SIAE: variants seen among roughly 807,000 people sequenced by gnomAD.
The protein encoded by SIAE is sialic acid acetylesterase, also known as sialate O-acetylesterase.
A neutral mutation model predicts 52.6 loss-of-function variants in SIAE; 39 were observed. The ratio of observed to expected loss-of-function variants is 0.74; its 90% CI spans 0.57 to 0.97. The LOEUF is 0.97. SIAE is among the 50% of genes least tolerant of loss of function. The probability of loss-of-function intolerance (pLI) is 0.00; values close to 1 mark genes in which losing one functional copy is unlikely to be tolerated. For synonymous variants in SIAE, 233 were observed against 241.4 expected (o/e 0.97, Z 0.32); for missense variants, 592 against 662.1 (o/e 0.89, Z 1.16).
intron 4 of SIAE, among the ~76,000 whole-genome samples, chr11:124,651,178 G>T (rs978539457): frequency 6.6e-6 from 1 of 152,158 alleles, no homozygotes; most frequent in African/African-American, 2.4e-5. Flanking sequence ...GGAACTACTA[G>T]ATGGATGGGA....
intron 7 of SIAE, among the ~76,000 whole-genome samples, chr11:124,641,610 A>G (rs927641219): frequency 3.9e-5 from 6 of 152,204 alleles, no homozygotes; most frequent in Non-Finnish European, 7.3e-5. Context: ...TACTGACATG[A>G]TCAAAGGACC....
rs73031439 is a variant in SIAE, at chr11:124,647,912, G to A, written c.832+154C>T. On this transcript the variant is annotated intron_variant, in intron 6 of 9. Transcript: ENST00000263593. Reference sequence around the variant, plus strand: ...GTCCCAGCAGGAATTAGCTGAAGCAGCCCAGACATAAAAACTACCCTGCTC... The same window carrying A: ...GTCCCAGCAGGAATTAGCTGAAGCAACCCAGACATAAAAACTACCCTGCTC... Among the ~76,000 whole-genome samples, 756 of 152,276 alleles carry A rather than the reference G, an allele frequency of 5.0e-3. 5 individuals are homozygous for A. The highest frequency in any genetic ancestry group is 6.5e-3 in the Non-Finnish European group (445 of 68,026).
At chr11:124,644,553 T>C (rs1467540676) in intron 7 of SIAE, among the ~76,000 whole-genome samples, 2 of 152,164 alleles carry the variant, frequency 1.3e-5, no homozygotes, top group Admixed American at 6.5e-5. Context: ...AATTCCTGTT[T>C]TCCTAATCTG....
Position 124,635,834 on chromosome 11 carries a change from G to A in SIAE, c.*1117C>T, listed in dbSNP as rs1224417001. The A allele has an allele frequency of 6.6e-6, 1 of 152,066 alleles. No homozygotes were observed. The highest frequency in any genetic ancestry group is 1.9e-4 in the East Asian group (1 of 5,196). The allele number at this position is 152,066 out of a possible 1,614,324, so 9.4% of individuals were successfully genotyped here. A position where few individuals can be genotyped will look rare whatever the true frequency, so the allele number is the denominator to read the frequency against. On this transcript the variant is annotated 3_prime_UTR_variant, in exon 10 of 10. Coordinates refer to ENST00000263593, the MANE Select transcript of SIAE (RefSeq NM_170601.5). ...TTTTATTTATTTCCAACTTCTTATA[G>A]GTAACATAATTTTCAGACAATGTTA...
rs1170371521 is a variant in SIAE, at chr11:124,636,996, G to A, written c.1527C>T (p.Phe509=). ...SALPAPPFIA[F]ITDQGPGHQS... ...GATGTCCAGGACCCTGGTCTGTAAT[G>A]AAAGCAATGAAGGGAGGGGCTGGCA... The change falls in exon 10 of 10, where the codon TTC becomes TTT. Residue 509 remains phenylalanine (F), a synonymous_variant. Transcript: ENST00000263593. 1.9e-6 allele frequency: 3 copies of A among 1,614,184 alleles called. No individual in the cohort carries two copies. The South Asian group carries it at 3.3e-5, about 18-fold the overall frequency.
chr11:124,675,116 G>A, upstream of SIAE: 1 of 982,076 alleles, frequency 1.0e-6, no homozygotes. Flanking sequence ...CTTGGGTTGT[G>A]TTAGGGAAAA....
chr11:124,663,235 C>A (rs1225104294), intron 2 of SIAE, among the ~76,000 whole-genome samples: 2 of 152,072 alleles, frequency 1.3e-5, no homozygotes, highest in Non-Finnish European at 2.9e-5. Flanking sequence ...TGATACACTC[C>A]AGAGAGGTTA....
upstream of SIAE, chr11:124,674,904 A>G (rs979796336): frequency 1.9e-5 from 3 of 159,546 alleles, no homozygotes; most frequent in South Asian, 2.0e-4. Flanking sequence ...CTTTTTAGCA[A>G]TCATTCTCTC....
rs1256806780 is a variant in SIAE, at chr11:124,636,961, A to G, written c.1562T>C (p.Val521Ala). Residue 521 changes from valine (V) to alanine (A), a missense_variant, in exon 10 of 10, where the codon GTT (valine) becomes GCT (alanine). Transcript: ENST00000263593. ...TDQGPGHQSNVAK is the reference protein window; with the variant it reads ...TDQGPGHQSNAAK ...ATCATACTGAAACAGTCATTTAGCA[A>G]CATTGCTCTGATGTCCAGGACCCTG... is the stretch of plus-strand genomic sequence containing the variant. 5.6e-6 allele frequency: 9 copies of G among 1,614,172 alleles called. No individual in the cohort carries two copies. Among genetic ancestry groups the G allele is most frequent in the Non-Finnish European group, 7.6e-6 (9 of 1,180,030 alleles).
Position 124,637,043 on chromosome 11 carries a change from G to C in SIAE, c.1480C>G (p.Leu494Val). 1.2e-6 allele frequency: 2 copies of C among 1,614,132 alleles called. No homozygotes were observed. Among genetic ancestry groups the C allele is most frequent in the Non-Finnish European group, 1.7e-6 (2 of 1,180,016 alleles). ...TWPCEYKQCP[L>V]YHPSSALPAP... is the part of the protein sequence containing the mutation. ...GGCAGGGCACTACTGGGGTGGTATAGGGGACACTGCTTATATTCACAAGGC... is the reference window on the plus strand; with the variant it reads ...GGCAGGGCACTACTGGGGTGGTATACGGGACACTGCTTATATTCACAAGGC... The change falls in exon 10 of 10, where the codon CTA becomes GTA. Residue 494 changes from leucine (L) to valine (V), a missense_variant. Transcript: ENST00000263593.
chr11:124,638,709 CCA>C lies in SIAE; in HGVS notation c.1151_1152del (p.Val384GlyfsTer15), dbSNP rs1565407314. 6.2e-7 allele frequency: 1 copy of C among 1,614,094 alleles called. No homozygotes were observed. Among genetic ancestry groups the C allele is most frequent in the Non-Finnish European group, 8.5e-7 (1 of 1,180,018 alleles). On this transcript the variant is annotated frameshift_variant, in exon 9 of 10. Transcript: ENST00000263593. LOFTEE classifies it high-confidence loss of function. ...CGGGCCCCCAAATGCAGCCGATAAG[CCA>C]CAGTCTGTTTATCTCGAGGGTGGAT... ...GSIHPRDKQT[V>X]AYRLHLGARA...
rs1942753074 is a variant in SIAE, at chr11:124,636,922, A to G, written c.*29T>C. The G allele has an allele frequency of 6.2e-7, 1 of 1,614,106 alleles. No individual in the cohort carries two copies. The highest frequency in any genetic ancestry group is 8.5e-7 in the Non-Finnish European group (1 of 1,180,020). On this transcript the variant is annotated 3_prime_UTR_variant, in exon 10 of 10. Transcript: ENST00000263593. ...GCTAAAATCTGAAGGACCCATCCTT[A>G]TATCTAAGTTCTGATCATACTGAAA...
rs772720469 is a variant in SIAE at position 124,673,635 on chromosome 11, GC to G, written c.67+6del. ...GGCAGGGGTCCGGCCGAGCCGGGCC[GC>G]CTCACCTGCACTTCTGTCGGCCCAC... On this transcript the variant is annotated splice_donor_region_variant and intron_variant, in intron 1 of 9. Transcript: ENST00000263593. 36 of 1,612,856 alleles carry G rather than the reference GC, an allele frequency of 2.2e-5. No individual in the cohort carries two copies. In the East Asian group the frequency reaches 8.0e-4, roughly 36 times the overall value.
chr11:124,638,867 T>A, intron 8 of SIAE, 130 bp from the exon 9 acceptor site: 1 of 736,808 alleles, frequency 1.4e-6, no homozygotes, highest in Non-Finnish European at 2.3e-6. Context: ...CTGTGATCAG[T>A]GGCTAGTCAG....
At chr11:124,644,353 GAAA>G (rs370589585) in intron 7 of SIAE, among the ~76,000 whole-genome samples, 2 of 102,172 alleles carry the variant, frequency 2.0e-5, no homozygotes, top group Non-Finnish European at 2.1e-5. Context: ...TCTGTGGTGA[GAAA>G]AAAAAAAAAA....
At chr11:124,648,470 T>TTG (rs556694799) in intron 5 of SIAE, among the ~76,000 whole-genome samples, 1 of 150,718 alleles carries the variant, frequency 6.6e-6, no homozygotes, top group African/African-American at 2.4e-5. Flanking sequence ...TCTCACATTG[T>TTG]GGGGGGGGGC....
chr11:124,658,247 C>T (rs532334993), intron 3 of SIAE, among the ~76,000 whole-genome samples: 40 of 150,660 alleles, frequency 2.7e-4, no homozygotes, highest in Admixed American at 1.8e-3. Flanking sequence ...TGTGCACACA[C>T]ACACACACAC....
intron 7 of SIAE, among the ~76,000 whole-genome samples, chr11:124,644,550 GTTT>G (rs1942902597): frequency 6.6e-6 from 1 of 152,134 alleles, no homozygotes; most frequent in Non-Finnish European, 1.5e-5. Context: ...TGAAATTCCT[GTTT>G]TCCTAATCTG....
chr11:124,638,688 C>A lies in SIAE; in HGVS notation c.1174G>T (p.Ala392Ser). Residue 392 changes from alanine (A) to serine (S), a missense_variant, in exon 9 of 10, where the codon GCC becomes TCC. Physicochemically the swap from Ala to Ser is moderately conservative, Grantham distance 99. Coordinates refer to ENST00000263593, the MANE Select transcript of SIAE (RefSeq NM_170601.5). ...QTVAYRLHLG[A>S]RALAYGEKNL... ...TTCTCACCATAAGCCAGAGCACGGG[C>A]CCCCAAATGCAGCCGATAAGCCACA... 6.2e-7 allele frequency: 1 copy of A among 1,614,080 alleles called. No homozygotes were observed. Among genetic ancestry groups the A allele is most frequent in the Non-Finnish European group, 8.5e-7 (1 of 1,179,992 alleles).
Sources: gnomAD v4.1 joint callset for allele counts (sites outside exome capture counted in the v4.1 genomes callset) on GRCh38, gnomAD v4.1.1 for gene constraint, MANE v1.5 for transcripts, NCBI Gene and HGNC (gene_info 2026-07-23, HGNC 2026-07-21) for gene names.